The following ZNF208 variants were observed in gnomAD, a reference collection of about 807,000 sequenced individuals.
The protein encoded by ZNF208 is zinc finger protein 208.
Under a neutral mutation model 12.1 loss-of-function variants are expected in ZNF208, and 10 were observed. The observed-to-expected ratio is 0.83, with a 90% confidence interval of 0.51 to 1.40. The LOEUF (loss-of-function observed/expected upper bound fraction) is 1.40, where lower values mean the gene tolerates loss of function less well. Among genes scored for constraint, ZNF208 ranks in the 40% most tolerant of loss-of-function variants. The pLI, the probability that ZNF208 is intolerant of heterozygous loss-of-function variation, is 0.00. For missense variants in ZNF208, 1,652 were observed against 1,485.0 expected (o/e 1.11, Z -1.85); for synonymous variants, 497 against 488.4 (o/e 1.02, Z -0.23).
At chr19:21,959,489 C>G (rs931547139) in intron 4 of ZNF208, among the ~76,000 whole-genome samples, 2 of 152,184 alleles carry the variant, frequency 1.3e-5, no homozygotes, top group Non-Finnish European at 2.9e-5. Flanking sequence ...AGTGAACCCT[C>G]TTTCACCAGA....
intron 1 of ZNF208, among the ~76,000 whole-genome samples, chr19:22,001,339 T>C (rs1410247247): frequency 6.6e-6 from 1 of 151,790 alleles, no homozygotes; most frequent in African/African-American, 2.4e-5. Context: ...ATAGATAAGC[T>C]CAAAATATTG....
intron 1 of ZNF208, among the ~76,000 whole-genome samples, chr19:22,004,263 TC>T (rs1971006073): frequency 6.6e-6 from 1 of 152,000 alleles, no homozygotes; most frequent in South Asian, 2.1e-4. Flanking sequence ...ACACTTGTAA[TC>T]CCAGCACTTT....
Position 21,968,447 on chromosome 19 carries a change from GTTA to G in ZNF208, c.*2741_*2743del, listed in dbSNP as rs771682903. On this transcript the variant is annotated 3_prime_UTR_variant, in exon 4 of 4. Transcript: ENST00000397126. ...CTTGAATGCTTTTTCTGCCCCTACT[GTTA>G]TTTTTTTTTCTTTTAATTATCTTTA... 6.6e-6 allele frequency: 1 copy of G among 151,402 alleles called. No individual in the cohort carries two copies. Among genetic ancestry groups the G allele is most frequent in the Non-Finnish European group, 1.5e-5 (1 of 67,866 alleles). 9.4% of individuals were successfully genotyped at this position (151,402 alleles called of 1,614,324 possible). A position where few individuals can be genotyped will look rare whatever the true frequency, so the allele number is the denominator to read the frequency against.
intron 4 of ZNF208, among the ~76,000 whole-genome samples, chr19:21,943,907 C>T (rs1969780264): frequency 6.6e-6 from 1 of 152,142 alleles, no homozygotes; most frequent in Non-Finnish European, 1.5e-5. Context: ...TATTTACAAA[C>T]ACAAAAGTAT....
chr19:21,946,103 A>G (rs1014434734), intron 4 of ZNF208, among the ~76,000 whole-genome samples: 6 of 152,200 alleles, frequency 3.9e-5, no homozygotes, highest in African/African-American at 1.4e-4. Context: ...GGCTCCCAGG[A>G]AAAAGTTTTT....
intron 1 of ZNF208, among the ~76,000 whole-genome samples, chr19:21,990,348 C>T (rs574031751): frequency 3.2e-4 from 48 of 152,296 alleles, no homozygotes; most frequent in South Asian, 1.4e-3. Context: ...GGAATCCTTT[C>T]CCCATTACTT....
intron 4 of ZNF208, among the ~76,000 whole-genome samples, chr19:21,944,185 C>A (rs1218410430): frequency 6.6e-6 from 1 of 152,148 alleles, no homozygotes; most frequent in African/African-American, 2.4e-5. Context: ...TTATTTGAAT[C>A]CTAGGCATTT....
downstream of ZNF208, among the ~76,000 whole-genome samples, chr19:21,961,586 G>C (rs1011134882): frequency 5.9e-5 from 9 of 152,034 alleles, no homozygotes; most frequent in Non-Finnish European, 1.3e-4. Flanking sequence ...ATAAGCCTGA[G>C]GGTACTGCAG....
intron 4 of ZNF208, among the ~76,000 whole-genome samples, chr19:21,945,733 T>C (rs548718337): frequency 6.6e-6 from 1 of 152,302 alleles, no homozygotes; most frequent in East Asian, 1.9e-4. Context: ...AATTTGGCTT[T>C]CCAAGCTAAG....
intron 1 of ZNF208, among the ~76,000 whole-genome samples, chr19:21,995,933 C>T (rs1409911549): frequency 6.6e-6 from 1 of 152,202 alleles, no homozygotes; most frequent in East Asian, 1.9e-4. Flanking sequence ...AAAATGCCTC[C>T]TGTTGGTTTT....
intron 4 of ZNF208, among the ~76,000 whole-genome samples, chr19:21,942,033 C>G (rs764462081): frequency 7.9e-5 from 12 of 152,042 alleles, no homozygotes; most frequent in Non-Finnish European, 1.6e-4. Flanking sequence ...GTAAATCTTT[C>G]TTGAGAAAAG....
chr19:21,977,240 T>C (rs1399715311), intron 3 of ZNF208, among the ~76,000 whole-genome samples: 1 of 152,196 alleles, frequency 6.6e-6, no homozygotes, highest in Non-Finnish European at 1.5e-5. Context: ...TAGGATATTA[T>C]TACACCACAC....
chr19:21,955,945 G>C (rs1373734884), intron 4 of ZNF208, among the ~76,000 whole-genome samples: 2 of 152,174 alleles, frequency 1.3e-5, no homozygotes, highest in African/African-American at 4.8e-5. Flanking sequence ...TTTCTGCTCT[G>C]GTTTCTCCCC....
At position 21,971,151 on chromosome 19, in the gene ZNF208, T is replaced by A. The variant is rs1441088255; in HGVS notation, c.*40A>T. ...TGAATTTTCTTATGATAACTAAGGGTTGAGGGCCACTTATAGGCTTTGCCA... is the reference window on the plus strand; with the variant it reads ...TGAATTTTCTTATGATAACTAAGGGATGAGGGCCACTTATAGGCTTTGCCA... On this transcript the variant is annotated 3_prime_UTR_variant, in exon 4 of 4. Coordinates refer to ENST00000397126, the MANE Select transcript of ZNF208 (RefSeq NM_007153.3). The A allele has an allele frequency of 3.1e-6, 5 of 1,612,654 alleles. No individual in the cohort carries two copies. Among genetic ancestry groups the A allele is most frequent in the South Asian group, 1.1e-5 (1 of 91,022 alleles).
At chr19:21,977,843 T>C (rs10422965) in intron 3 of ZNF208, among the ~76,000 whole-genome samples, 7,124 of 152,268 alleles carry the variant, frequency 0.047, 459 homozygotes, top group African/African-American at 0.14. Context: ...CTTGAAATTC[T>C]GGCTGCAAGC....
At chr19:21,976,442 G>T (rs1970431572) in intron 3 of ZNF208, among the ~76,000 whole-genome samples, 3 of 151,716 alleles carry the variant, frequency 2.0e-5, no homozygotes, top group Admixed American at 2.0e-4. Flanking sequence ...AAGAGAAAAT[G>T]AGAGACAAGA....
Position 21,970,243 on chromosome 19 carries a change from G to T in ZNF208, c.*948C>A, listed in dbSNP as rs542998574. 2.0e-5 allele frequency among the ~76,000 whole-genome samples: 3 copies of T among 152,212 alleles called. No homozygotes were observed. The highest frequency in any genetic ancestry group is 7.2e-5 in the African/African-American group (3 of 41,554). The stretch of plus-strand genomic sequence containing the variant: ...TCTTAAGAATTGAGGATCTATTAGA[G>T]GCTTTCCCACATTCTTCACACATGC... On this transcript the variant is annotated 3_prime_UTR_variant, in exon 4 of 4. Coordinates refer to ENST00000397126, the MANE Select transcript of ZNF208 (RefSeq NM_007153.3).
intron 3 of ZNF208, among the ~76,000 whole-genome samples, chr19:21,976,320 T>C (rs1375452254): frequency 1.3e-5 from 2 of 152,142 alleles, no homozygotes; most frequent in African/African-American, 4.8e-5. Flanking sequence ...TTAGGTTCTA[T>C]GCAATCCCCA....
rs377638519 is a variant in ZNF208 at position 21,975,851 on chromosome 19, A to AAAAAAAAAAAAG, written c.227-1045_227-1044insCTTTTTTTTTTT. 2.1e-4 allele frequency among the ~76,000 whole-genome samples: 19 copies of AAAAAAAAAAAAG among 91,880 alleles called. 1 individual carries two copies. The highest frequency in any genetic ancestry group is 6.4e-4 in the African/African-American group (14 of 21,968). 60.3% of individuals were successfully genotyped at this position (91,880 alleles called of 152,430 possible). On this transcript the variant is annotated intron_variant, in intron 3 of 3. Transcript: ENST00000397126. ...AAAAAAAAAAAAAAAAAAAAAAAAA[A>AAAAAAAAAAAAG]GCTATCAAGTGAGAATAATACCATC...
Sources: gnomAD v4.1 joint callset for allele counts (sites outside exome capture counted in the v4.1 genomes callset) on GRCh38, gnomAD v4.1.1 for gene constraint, MANE v1.5 for transcripts, NCBI Gene and HGNC (gene_info 2026-07-23, HGNC 2026-07-21) for gene names.